The following GRM7 variants were observed in gnomAD, a reference collection of about 807,000 sequenced individuals.
GRM7 encodes the protein glutamate metabotropic receptor 7, also known as metabotropic glutamate receptor 7.
In GRM7, 35 loss-of-function variants were observed where a neutral mutation model predicts 84.5. The observed-to-expected ratio is 0.41, with a 90% CI of 0.32 to 0.55. The LOEUF (loss-of-function observed/expected upper bound fraction) is 0.55. Among genes scored for constraint, GRM7 ranks in the 20% least tolerant of loss-of-function variants. GRM7 has a pLI of 0.19. For synonymous variants in GRM7, 487 were observed against 455.1 expected, an observed-to-expected ratio of 1.07 and a Z score of -0.89; for missense variants, 1,003 against 1,194.6, an observed-to-expected ratio of 0.84 and a Z score of 2.36.
At chr3:7,692,941 G>A (rs74754140) in intron 9 of GRM7, among the ~76,000 whole-genome samples, 1,764 of 151,456 alleles carry the variant, frequency 0.012, 42 homozygotes, top group African/African-American at 0.041. Flanking sequence ...TCTAACTTCA[G>A]GGCCACTGTG....
rs369277217 is a variant in GRM7, at chr3:7,285,417, G to T, written c.737-13267G>T. Among the ~76,000 whole-genome samples, 8 of 152,164 alleles carry T rather than the reference G, an allele frequency of 5.3e-5. No individual in the cohort carries two copies. The East Asian group carries it at 1.5e-3, about 29-fold the overall frequency. On this transcript the variant is annotated intron_variant, in intron 2 of 9. Transcript: ENST00000357716. Reference sequence around the variant, plus strand: ...CTCCAATCAAACCTGTGTTGTTATCGTGTGTTTTATTGAATGAAGATCATA... The same window carrying T: ...CTCCAATCAAACCTGTGTTGTTATCTTGTGTTTTATTGAATGAAGATCATA...
intron 1 of GRM7, among the ~76,000 whole-genome samples, chr3:6,872,209 G>T (rs888367385): frequency 2.0e-5 from 3 of 152,166 alleles, no homozygotes. Context: ...ATCCTTATGA[G>T]GAGGGACATA....
At chr3:6,954,053 CAA>C (rs955646500) in intron 1 of GRM7, among the ~76,000 whole-genome samples, 1 of 146,118 alleles carries the variant, frequency 6.8e-6, no homozygotes. Context: ...TTTTCTTCAA[CAA>C]AAAAAATTGG....
chr3:7,614,419 A>G (rs959446493), intron 8 of GRM7, among the ~76,000 whole-genome samples: 1 of 152,210 alleles, frequency 6.6e-6, no homozygotes, highest in Admixed American at 6.5e-5. Context: ...GGAACAACCC[A>G]GAATCTTCAA....
intron 1 of GRM7, among the ~76,000 whole-genome samples, chr3:7,109,927 C>G (rs1020547963): frequency 6.6e-6 from 1 of 151,924 alleles, no homozygotes; most frequent in African/African-American, 2.4e-5. Context: ...ATGTTTGAAT[C>G]TTGTATTTTT....
chr3:7,229,758 T>C (rs1393595190), intron 2 of GRM7, among the ~76,000 whole-genome samples: 2 of 32,396 alleles, frequency 6.2e-5, no homozygotes, highest in Admixed American at 5.1e-4. Flanking sequence ...TATATATATA[T>C]ATTTTTTTTT....
intron 1 of GRM7, among the ~76,000 whole-genome samples, chr3:6,900,301 A>G (rs763301706): frequency 9.9e-5 from 15 of 152,210 alleles, no homozygotes; most frequent in Non-Finnish European, 1.6e-4. Flanking sequence ...CATCACTCTA[A>G]ACTTCAGTTT....
chr3:7,017,070 T>G (rs1695592386), intron 1 of GRM7, among the ~76,000 whole-genome samples: 1 of 152,212 alleles, frequency 6.6e-6, no homozygotes, highest in Non-Finnish European at 1.5e-5. Context: ...ACTTAAAACT[T>G]GGGAGCCATT....
At chr3:7,133,930 A>G (rs182767374) in intron 1 of GRM7, among the ~76,000 whole-genome samples, 1 of 152,250 alleles carries the variant, frequency 6.6e-6, no homozygotes, top group East Asian at 1.9e-4. Context: ...GTATTATGTC[A>G]TTGAATGCTG....
At chr3:7,648,428 C>T (rs914471842) in intron 8 of GRM7, among the ~76,000 whole-genome samples, 2 of 151,844 alleles carry the variant, frequency 1.3e-5, no homozygotes, top group Admixed American at 1.3e-4. Flanking sequence ...GGGCGGATCA[C>T]CTGAGGTCAG....
At chr3:7,715,062 G>A (rs1487510495) in intron 9 of GRM7, among the ~76,000 whole-genome samples, 6 of 152,132 alleles carry the variant, frequency 3.9e-5, no homozygotes, top group East Asian at 1.9e-4. Context: ...ATAAATAGCC[G>A]ATTCTTCTCA....
chr3:7,056,209 G>T (rs960793398), intron 1 of GRM7, among the ~76,000 whole-genome samples: 1 of 151,974 alleles, frequency 6.6e-6, no homozygotes, highest in African/African-American at 2.4e-5. Flanking sequence ...TTTCCCCAAC[G>T]CAGGGCTTCT....
At chr3:7,559,312 C>T (rs2125034374) in intron 7 of GRM7, 1 of 152,300 alleles carries the variant, frequency 6.6e-6, no homozygotes, top group South Asian at 2.1e-4. Context: ...TTATTTATCA[C>T]CTGTCAGGTC....
chr3:7,078,671 T>C (rs2124994160), intron 1 of GRM7, among the ~76,000 whole-genome samples: 1 of 152,298 alleles, frequency 6.6e-6, no homozygotes, highest in African/African-American at 2.4e-5. Context: ...GAATAGGATT[T>C]ATTCATGGAG....
intron 2 of GRM7, among the ~76,000 whole-genome samples, chr3:7,147,500 C>T (rs1694149808): frequency 6.6e-6 from 1 of 152,004 alleles, no homozygotes; most frequent in South Asian, 2.1e-4. Context: ...TGTTATTTAC[C>T]AGAACAGTTT....
intron 1 of GRM7, among the ~76,000 whole-genome samples, chr3:7,042,095 A>G (rs1007961453): frequency 3.3e-5 from 5 of 152,130 alleles, no homozygotes; most frequent in African/African-American, 1.2e-4. Context: ...TATCCTTTGT[A>G]ATATCTTTTA....
At chr3:6,990,825 C>T (rs1466580414) in intron 1 of GRM7, among the ~76,000 whole-genome samples, 6 of 152,176 alleles carry the variant, frequency 3.9e-5, no homozygotes, top group African/African-American at 4.8e-5. Context: ...AGCTAATCAA[C>T]TCCAAAGTCT....
intron 2 of GRM7, among the ~76,000 whole-genome samples, chr3:7,257,686 A>G (rs1698259200): frequency 6.6e-6 from 1 of 152,180 alleles, no homozygotes; most frequent in Admixed American, 6.5e-5. Flanking sequence ...ATTAACAAAA[A>G]TAATTACTGC....
chr3:6,960,095 G>A (rs1050376085), intron 1 of GRM7, among the ~76,000 whole-genome samples: 1 of 152,122 alleles, frequency 6.6e-6, no homozygotes, highest in Admixed American at 6.5e-5. Context: ...ACTAATTCTA[G>A]TGTTAAATCA....
Sources: gnomAD v4.1 joint callset for allele counts (sites outside exome capture counted in the v4.1 genomes callset) on GRCh38, gnomAD v4.1.1 for gene constraint, MANE v1.5 for transcripts, NCBI Gene and HGNC (gene_info 2026-07-23, HGNC 2026-07-21) for gene names.